Variants in RBBP8 observed in about 807,000 individuals in gnomAD.
RBBP8 encodes the protein RB binding protein 8, endonuclease, also known as DNA endonuclease RBBP8.
In RBBP8, 88 loss-of-function variants were observed where a neutral mutation model predicts 108.3. The observed-to-expected ratio is 0.81, with a 90% CI of 0.68 to 0.97. RBBP8 has a LOEUF of 0.97. Among genes scored for constraint, RBBP8 ranks in the 50% least tolerant of loss-of-function variants. RBBP8 has a pLI of 0.00. For synonymous variants in RBBP8, 332 were observed against 348.2 expected (o/e 0.95, Z 0.52); for missense variants, 1,023 against 1,049.0 (o/e 0.98, Z 0.34).
At chr18:22,959,870 C>CTTTTTTTTTT (rs35259762) in intron 4 of RBBP8, among the ~76,000 whole-genome samples, 2 of 86,402 alleles carry the variant, frequency 2.3e-5, no homozygotes, top group Admixed American at 1.6e-4. Flanking sequence ...GATGAACTTT[C>CTTTTTTTTTT]TTTTTTTTTT....
chr18:22,979,698 C>T (rs984681904), intron 6 of RBBP8, among the ~76,000 whole-genome samples: 1 of 152,198 alleles, frequency 6.6e-6, no homozygotes, highest in African/African-American at 2.4e-5. Flanking sequence ...TTTATTTTTA[C>T]TCAACATTCA....
chr18:23,021,304 A>G (rs1249834642), intron 17 of RBBP8, among the ~76,000 whole-genome samples: 1 of 152,210 alleles, frequency 6.6e-6, no homozygotes, highest in Non-Finnish European at 1.5e-5. Context: ...AGTCCCAGCT[A>G]CTTGGGAAGC....
At position 23,025,812 on chromosome 18, in the gene RBBP8, A is replaced by G. The variant is rs564147692; in HGVS notation, c.2597-331A>G. Reference sequence around the variant, plus strand: ...GCTTGGGCCAGGTCCCAGCTCCTCTACTTTTTAGCTTTGTGAACTTGAACA... The same window carrying G: ...GCTTGGGCCAGGTCCCAGCTCCTCTGCTTTTTAGCTTTGTGAACTTGAACA... On this transcript the variant is annotated intron_variant, in intron 18 of 18. Coordinates refer to ENST00000327155, the MANE Select transcript of RBBP8 (RefSeq NM_002894.3). 1.1e-4 allele frequency among the ~76,000 whole-genome samples: 17 copies of G among 152,324 alleles called. 1 individual carries two copies. The highest frequency in any genetic ancestry group is 1.0e-3 in the South Asian group (5 of 4,832).
intron 17 of RBBP8, among the ~76,000 whole-genome samples, chr18:23,018,956 G>C (rs2046305677): frequency 6.6e-6 from 1 of 152,112 alleles, no homozygotes; most frequent in African/African-American, 2.4e-5. Flanking sequence ...TAATAACCAA[G>C]CACATTAAAA....
chr18:23,002,156 T>C (rs560816483), intron 15 of RBBP8, among the ~76,000 whole-genome samples: 13 of 152,314 alleles, frequency 8.5e-5, no homozygotes, highest in Admixed American at 5.9e-4. Context: ...GGTTCACACC[T>C]GTAATCCCAG....
At chr18:23,001,125 A>G (rs1207402536) in intron 14 of RBBP8, among the ~76,000 whole-genome samples, 2 of 152,218 alleles carry the variant, frequency 1.3e-5, no homozygotes, top group Non-Finnish European at 2.9e-5. Context: ...TACATACATT[A>G]TAGTTTGTTA....
chr18:22,996,440 A>T lies in RBBP8; in HGVS notation c.2006A>T (p.Asp669Val), dbSNP rs753997014. ...PGADLSQYKM[D>V]VTVIDTKDGS... Reference sequence around the variant, plus strand: ...GCAGACCTTTCTCAGTATAAAATGGATGTTACTGTAATAGATACAAAGGTA... The same window carrying T: ...GCAGACCTTTCTCAGTATAAAATGGTTGTTACTGTAATAGATACAAAGGTA... Residue 669 changes from aspartate to valine, a missense_variant, in exon 13 of 19, where the codon GAT (aspartate) becomes GTT (valine). Asp to Val is a radical substitution (Grantham distance 152, BLOSUM62 -3). Coordinates refer to ENST00000327155, the MANE Select transcript of RBBP8 (RefSeq NM_002894.3). 3 of 1,613,622 alleles carry T rather than the reference A, an allele frequency of 1.9e-6. No individual in the cohort carries two copies. The highest frequency in any genetic ancestry group is 2.2e-5 in the South Asian group (2 of 91,076).
chr18:23,019,346 A>G (rs1263817258), intron 17 of RBBP8, among the ~76,000 whole-genome samples: 6 of 152,150 alleles, frequency 3.9e-5, no homozygotes, highest in Non-Finnish European at 7.4e-5. Context: ...TATACATTTT[A>G]GTTTTTCTAG....
intron 4 of RBBP8, among the ~76,000 whole-genome samples, chr18:22,966,170 T>C (rs928072534): frequency 6.6e-6 from 1 of 152,204 alleles, no homozygotes; most frequent in African/African-American, 2.4e-5. Flanking sequence ...GATATATCTT[T>C]ACTGTAATTT....
intron 8 of RBBP8, among the ~76,000 whole-genome samples, chr18:22,987,640 C>T (rs1915419498): frequency 6.6e-6 from 1 of 152,204 alleles, no homozygotes; most frequent in East Asian, 1.9e-4. Context: ...TTTTGTAGAA[C>T]AGTGTTTCAC....
intron 2 of RBBP8, among the ~76,000 whole-genome samples, chr18:22,945,804 CTT>C (rs1911514661): frequency 6.6e-6 from 1 of 152,022 alleles, no homozygotes; most frequent in African/African-American, 2.4e-5. Flanking sequence ...TGTTCAGTGA[CTT>C]TTTTCTTTTG....
chr18:22,918,776 T>C (rs2144330476), intron 3 of RBBP8, among the ~76,000 whole-genome samples: 1 of 152,274 alleles, frequency 6.6e-6, no homozygotes, highest in African/African-American at 2.4e-5. Flanking sequence ...ACCTGGATAA[T>C]TTTTTTAAAA....
rs376101365 is a variant in RBBP8 at position 22,944,714 on chromosome 18, A to G, written c.110-1730A>G. ...ATAAAATGTGTCATATCAGTTGGAC[A>G]TTTTCTAAAGGTGAAATTTGAGACA... On this transcript the variant is annotated intron_variant, in intron 2 of 18. Coordinates refer to ENST00000327155, the MANE Select transcript of RBBP8 (RefSeq NM_002894.3). 4.6e-5 allele frequency among the ~76,000 whole-genome samples: 7 copies of G among 152,312 alleles called. No homozygotes were observed. In the East Asian group the frequency reaches 9.6e-4, roughly 21 times the overall value.
intron 9 of RBBP8, among the ~76,000 whole-genome samples, chr18:22,990,283 A>G (rs541754166): frequency 7.9e-5 from 12 of 152,292 alleles, no homozygotes; most frequent in South Asian, 2.1e-4. Context: ...TCTCAGACCT[A>G]CTGAACTTGC....
chr18:22,984,582 G>T (rs1216329473), intron 7 of RBBP8, among the ~76,000 whole-genome samples: 3 of 152,066 alleles, frequency 2.0e-5, no homozygotes, highest in Non-Finnish European at 4.4e-5. Context: ...CTGCTGATTT[G>T]TAACAAATAT....
rs1261206962 is a variant in RBBP8 at position 22,989,328 on chromosome 18, T to G, written c.807+10T>G. ...TGTTCAAGAAGAATCTGTAAGTAAT[T>G]GTTTAGTTTGGCAATAACATGAATT... On this transcript the variant is annotated intron_variant, in intron 9 of 18. Coordinates refer to ENST00000327155, the MANE Select transcript of RBBP8 (RefSeq NM_002894.3). The G allele has an allele frequency of 6.4e-7, 1 of 1,557,728 alleles. No individual in the cohort carries two copies. Among genetic ancestry groups the G allele is most frequent in the Non-Finnish European group, 8.9e-7 (1 of 1,129,544 alleles).
intron 16 of RBBP8, among the ~76,000 whole-genome samples, chr18:23,012,575 T>C (rs2046187567): frequency 1.3e-5 from 2 of 151,802 alleles, no homozygotes; most frequent in African/African-American, 4.8e-5. Flanking sequence ...TAACTCTATT[T>C]AGTTTGAGGA....
At position 22,933,398 on chromosome 18, in the gene RBBP8, C is replaced by T. The variant is rs886053654; in HGVS notation, c.-265C>T. ...CCGAGCCCGGCCGGCAGCCCCCGGC[C>T]TTAAAGCGCGGGCTGTCCGGAGGGG... On this transcript the variant is annotated 5_prime_UTR_variant, in exon 1 of 19. Transcript: ENST00000327155. 1.4e-4 allele frequency: 21 copies of T among 153,994 alleles called. No individual in the cohort carries two copies. In the Middle Eastern group the frequency reaches 6.4e-3, roughly 47 times the overall value. The allele number at this position is 153,994 out of a possible 1,614,324, so 9.5% of individuals were successfully genotyped here.
chr18:23,010,622 T>C (rs1036139995), intron 16 of RBBP8, among the ~76,000 whole-genome samples: 2 of 152,198 alleles, frequency 1.3e-5, no homozygotes, highest in Admixed American at 1.3e-4. Flanking sequence ...ACTGTCATTT[T>C]AAATGTTTCA....
Sources: gnomAD v4.1 joint callset for allele counts (sites outside exome capture counted in the v4.1 genomes callset) on GRCh38, gnomAD v4.1.1 for gene constraint, MANE v1.5 for transcripts, NCBI Gene and HGNC (gene_info 2026-07-23, HGNC 2026-07-21) for gene names.